Variants in CCSER1 observed in about 807,000 individuals in gnomAD.
CCSER1 encodes the protein serine-rich coiled-coil domain-containing protein 1.
CCSER1 carries 41 observed loss-of-function variants against 82.0 expected under a neutral mutation model. That is an observed-to-expected ratio of 0.50 (90% CI 0.39 to 0.65). The LOEUF (loss-of-function observed/expected upper bound fraction) is 0.65. Ranked by LOEUF, CCSER1 falls within the 30% of genes least tolerant of loss-of-function variation. The pLI is 0.00. For synonymous variants in CCSER1, 414 were observed against 383.9 expected (o/e 1.08, Z -0.92); for missense variants, 1,119 against 1,064.2 (o/e 1.05, Z -0.72).
Position 91,386,700 on chromosome 4 carries a change from G to T in CCSER1, c.2218-211872G>T, listed in dbSNP as rs564989990. Among the ~76,000 whole-genome samples, 7 of 152,092 alleles carry T rather than the reference G, an allele frequency of 4.6e-5. No homozygotes were observed. In the South Asian group the frequency reaches 1.4e-3, roughly 31 times the overall value. ...TGGACGGCACTTTATCCAGGTGATT[G>T]TAAATGAAAGCAATGAACTTTGTTT... On this transcript the variant is annotated intron_variant, in intron 10 of 10. Coordinates refer to ENST00000509176, the MANE Select transcript of CCSER1 (RefSeq NM_001145065.2).
At chr4:90,862,495 T>C (rs1332353422) in intron 8 of CCSER1, among the ~76,000 whole-genome samples, 2 of 151,988 alleles carry the variant, frequency 1.3e-5, no homozygotes, top group East Asian at 1.9e-4. Context: ...TCTTGCCTTA[T>C]GTGAATGTAA....
In CCSER1 at chr4:91,602,606, A is replaced by T. The variant is rs1222834745; in HGVS notation, c.*3549A>T. Among the ~76,000 whole-genome samples, 5 of 151,994 alleles carry T rather than the reference A, an allele frequency of 3.3e-5. No homozygotes were observed. Among genetic ancestry groups the T allele is most frequent in the African/African-American group, 9.7e-5 (4 of 41,412 alleles). ...AATTTGGAATACTTAGCATAATCTC[A>T]TAATTATAATCTAAATTTTTACTAC... On this transcript the variant is annotated 3_prime_UTR_variant, in exon 11 of 11. Transcript: ENST00000509176.
chr4:90,388,128 T>C (rs1002948295), intron 3 of CCSER1, among the ~76,000 whole-genome samples: 1 of 152,184 alleles, frequency 6.6e-6, no homozygotes, highest in Non-Finnish European at 1.5e-5. Context: ...ATATTTCATT[T>C]TATGGAAAAG....
intron 8 of CCSER1, among the ~76,000 whole-genome samples, chr4:90,902,781 C>G (rs1187844192): frequency 2.0e-5 from 3 of 151,994 alleles, no homozygotes; most frequent in Non-Finnish European, 4.4e-5. Flanking sequence ...TTAAGAGTAA[C>G]ATCTGTCTTG....
At chr4:91,065,803 A>G (rs1239040884) in intron 9 of CCSER1, among the ~76,000 whole-genome samples, 2 of 152,124 alleles carry the variant, frequency 1.3e-5, no homozygotes, top group African/African-American at 2.4e-5. Flanking sequence ...TTTTCACCGA[A>G]TCATACTGAA....
At chr4:90,644,751 G>A (rs1727189279) in intron 6 of CCSER1, among the ~76,000 whole-genome samples, 1 of 151,982 alleles carries the variant, frequency 6.6e-6, no homozygotes, top group Non-Finnish European at 1.5e-5. Flanking sequence ...AGTTTGCTGA[G>A]GATAATGGCT....
chr4:90,374,187 C>T (rs1047747103), intron 3 of CCSER1, among the ~76,000 whole-genome samples: 10 of 152,156 alleles, frequency 6.6e-5, no homozygotes, highest in East Asian at 1.9e-4. Context: ...ATCGATGAGA[C>T]GCTTGTGGGT....
At chr4:91,270,339 G>T (rs184272581) in intron 10 of CCSER1, among the ~76,000 whole-genome samples, 3 of 152,042 alleles carry the variant, frequency 2.0e-5, no homozygotes, top group African/African-American at 7.2e-5. Context: ...TAACAAGATG[G>T]TATGTTACTC....
At chr4:90,573,320 G>A (rs975769559) in intron 5 of CCSER1, among the ~76,000 whole-genome samples, 5 of 152,212 alleles carry the variant, frequency 3.3e-5, no homozygotes, top group Admixed American at 6.5e-5. Flanking sequence ...TTGCAGCTGG[G>A]TCAGGTCTGA....
In CCSER1 at chr4:90,911,136, T is replaced by C. The variant is rs188358146; in HGVS notation, c.2095-12234T>C. 1.6e-5 allele frequency: 6 copies of C among 366,944 alleles called. No homozygotes were observed. The East Asian group carries it at 4.3e-4, about 26-fold the overall frequency. The allele number at this position is 366,944 out of a possible 1,614,324, so 22.7% of individuals were successfully genotyped here. A position where few individuals can be genotyped will look rare whatever the true frequency, so the allele number is the denominator to read the frequency against. ...TGTTCTTATTTAATTCCAATATCCA[T>C]TGTTAAATCTGGGTAATGATTGCAT... On this transcript the variant is annotated intron_variant, in intron 8 of 10. Coordinates refer to ENST00000509176, the MANE Select transcript of CCSER1 (RefSeq NM_001145065.2).
chr4:91,475,241 G>T (rs1047141810), intron 10 of CCSER1, among the ~76,000 whole-genome samples: 4 of 151,662 alleles, frequency 2.6e-5, no homozygotes, highest in African/African-American at 9.7e-5. Flanking sequence ...ATATGGCTAG[G>T]CCTTCTCCTT....
intron 7 of CCSER1, among the ~76,000 whole-genome samples, chr4:90,796,210 C>T (rs1473692171): frequency 2.0e-5 from 3 of 149,800 alleles, no homozygotes; most frequent in Admixed American, 6.7e-5. Flanking sequence ...TCTTCCCGTG[C>T]TCAGTATTGG....
At chr4:90,408,664 A>T (rs1754149618) in intron 4 of CCSER1, among the ~76,000 whole-genome samples, 1 of 152,228 alleles carries the variant, frequency 6.6e-6, no homozygotes, top group Non-Finnish European at 1.5e-5. Context: ...AAAGGTAGAT[A>T]AAACCACAAA....
intron 10 of CCSER1, among the ~76,000 whole-genome samples, chr4:91,252,942 C>G (rs976933066): frequency 6.6e-6 from 1 of 152,058 alleles, no homozygotes; most frequent in East Asian, 1.9e-4. Flanking sequence ...AAAGAAATAC[C>G]TCCTTATTAG....
At chr4:90,696,004 G>A (rs538495630) in intron 6 of CCSER1, among the ~76,000 whole-genome samples, 3 of 152,092 alleles carry the variant, frequency 2.0e-5, no homozygotes, top group African/African-American at 4.8e-5. Flanking sequence ...ATAAAAGTAT[G>A]CATGTTCTTG....
chr4:90,284,162 A>G (rs1255562162), intron 1 of CCSER1, among the ~76,000 whole-genome samples: 3 of 151,322 alleles, frequency 2.0e-5, no homozygotes, highest in African/African-American at 7.3e-5. Flanking sequence ...TTATTGTATT[A>G]TTTTTCTTAT....
chr4:91,535,134 T>C (rs1280186682), intron 10 of CCSER1, among the ~76,000 whole-genome samples: 1 of 151,986 alleles, frequency 6.6e-6, no homozygotes, highest in Admixed American at 6.6e-5. Context: ...GGATAAATTC[T>C]CCCAAATATT....
At chr4:91,411,383 G>A (rs1753009189) in intron 10 of CCSER1, among the ~76,000 whole-genome samples, 1 of 149,934 alleles carries the variant, frequency 6.7e-6, no homozygotes, top group Non-Finnish European at 1.5e-5. Context: ...CTGTTGCTCA[G>A]TATTTCTAAC....
intron 6 of CCSER1, among the ~76,000 whole-genome samples, chr4:90,690,867 T>C (rs1025376238): frequency 7.2e-5 from 11 of 152,072 alleles, no homozygotes; most frequent in Non-Finnish European, 1.5e-4. Flanking sequence ...TACAAAGTTG[T>C]ATGCTTTTAT....
Sources: allele counts gnomAD v4.1 joint callset (sites outside exome capture counted in the v4.1 genomes callset), GRCh38; gene constraint gnomAD v4.1.1; transcripts MANE v1.5; gene names NCBI Gene and HGNC (gene_info 2026-07-23, HGNC 2026-07-21).